Variants in FASN observed in about 807,000 individuals in gnomAD.
FASN encodes fatty acid synthase.
FASN carries 50 observed loss-of-function variants against 250.0 expected under a neutral mutation model. The observed-to-expected ratio is 0.20, with a 90% CI of 0.16 to 0.25. The LOEUF (loss-of-function observed/expected upper bound fraction) is 0.25. Among genes scored for constraint, FASN ranks in the 10% least tolerant of loss-of-function variants. FASN has a pLI of 1.00. For missense variants in FASN, 3,031 were observed against 3,498.5 expected (o/e 0.87, Z 3.37); for synonymous variants, 1,909 against 1,584.0 (o/e 1.21, Z -4.87).
In FASN at chr17:82,083,093, G is replaced by A. The variant is rs1172502980; in HGVS notation, c.5588C>T (p.Ala1863Val). 2 of 1,610,802 alleles carry A rather than the reference G, an allele frequency of 1.2e-6. No individual in the cohort carries two copies. Among genetic ancestry groups the A allele is most frequent in the Non-Finnish European group, 1.7e-6 (2 of 1,179,970 alleles). Reference protein sequence around the residue: ...VVQVLAEEPEAVLKGAKPKLM... With the variant: ...VVQVLAEEPEVVLKGAKPKLM... ...CTTGGGTTTGGCCCCCTTCAGCACT[G>A]CCTCCGGCTCCTCCGCAAGCACCTG... Residue 1863 changes from alanine to valine, a missense_variant, in exon 33 of 43, where the codon GCA (alanine) becomes GTA (valine). Physicochemically the swap from Ala to Val is moderately conservative, Grantham distance 64 (BLOSUM62 0). Transcript: ENST00000306749.
rs1289578764 is a variant in FASN, at chr17:82,085,811, G to A, written c.3793C>T (p.Leu1265=). The part of the protein sequence containing the change: ...RIPGLLSPHP[L]LQLSYTATDR... ...GTGGCCGTGTAGCTCAGCTGCAGCA[G>A]GGGATGGGGGCTGAGCAGGCCTGGG... Residue 1265 remains leucine (L), a synonymous_variant, in exon 23 of 43, where the codon CTG becomes TTG. Coordinates refer to ENST00000306749, the MANE Select transcript of FASN (RefSeq NM_004104.5). 3 of 1,561,804 alleles carry A rather than the reference G, an allele frequency of 1.9e-6. No homozygotes were observed. Among genetic ancestry groups the A allele is most frequent in the Admixed American group, 3.7e-5 (2 of 54,504 alleles).
chr17:82,095,211 G>C (rs1306030892), intron 3 of FASN, 109 bp downstream of exon 3: 2 of 1,330,724 alleles, frequency 1.5e-6, no homozygotes. Flanking sequence ...GCCGGGGAGG[G>C]TAGGTGGTGC....
Position 82,085,551 on chromosome 17 carries a change from G to T in FASN, c.4053C>A (p.His1351Gln), listed in dbSNP as rs1891880892. The change falls in exon 23 of 43, where the codon CAC (histidine) becomes CAA (glutamine). Residue 1351 changes from histidine (H) to glutamine (Q), a missense_variant. Coordinates refer to ENST00000306749, the MANE Select transcript of FASN (RefSeq NM_004104.5). The part of the protein sequence containing the change: ...FLLLHTLLRG[H>Q]PLGDIVAFLT... ...GGAAGGCCACGATGTCCCCGAGGGG[G>T]TGCCCCCGGAGCAGTGTGTGCAGGA... 8 of 1,595,326 alleles carry T rather than the reference G, an allele frequency of 5.0e-6. No individual in the cohort carries two copies. Among genetic ancestry groups the T allele is most frequent in the Non-Finnish European group, 6.8e-6 (8 of 1,171,714 alleles).
intron 8 of FASN, 47 bp downstream of exon 8, chr17:82,092,408 C>A: frequency 6.5e-7 from 1 of 1,544,612 alleles, no homozygotes; most frequent in South Asian, 1.2e-5. Context: ...GCAACCCAGT[C>A]CCAGGGAGCA....
At position 82,091,505 on chromosome 17, in the gene FASN, G is replaced by T; in HGVS notation, c.1209C>A (p.Ile403=). ...GGGGCGGCTGCGTGTTGGGCCTCAGGATGATGTGCACGTTGGAGCCCCCGA... is the reference window on the plus strand; with the variant it reads ...GGGGCGGCTGCGTGTTGGGCCTCAGTATGATGTGCACGTTGGAGCCCCCGA... The part of the protein sequence containing the change: ...FGFGGSNVHI[I]LRPNTQPPPA... The change falls in exon 9 of 43, where the codon ATC becomes ATA. Residue 403 remains isoleucine (I), a synonymous_variant. Transcript: ENST00000306749. The T allele has an allele frequency of 1.2e-6, 2 of 1,605,142 alleles. No individual in the cohort carries two copies. The highest frequency in any genetic ancestry group is 2.2e-5 in the South Asian group (2 of 90,134).
rs1370293595 is a variant in FASN, at chr17:82,078,959, C to A, written c.*184G>T. 9.7e-6 allele frequency: 7 copies of A among 719,484 alleles called. No individual in the cohort carries two copies. The highest frequency in any genetic ancestry group is 7.0e-5 in the Admixed American group (3 of 42,822). The allele number at this position is 719,484 out of a possible 1,614,324, so 44.6% of individuals were successfully genotyped here. ...CGGCAGCTCTGGTGTCCCCGAGGTG[C>A]CGTGGGAGGCGGCGGGTGGGTGGGA... On this transcript the variant is annotated 3_prime_UTR_variant, in exon 43 of 43. Coordinates refer to ENST00000306749, the MANE Select transcript of FASN (RefSeq NM_004104.5). This position sits in a 1 kb window ranked among gnomAD's most constrained non-coding sequence, Gnocchi z 5.4.
rs373471307 is a variant in FASN, at chr17:82,088,207, C to T, written c.2694G>A (p.Thr898=). 3.4e-5 allele frequency: 55 copies of T among 1,611,884 alleles called. No individual in the cohort carries two copies. The highest frequency in any genetic ancestry group is 3.3e-4 in the Middle Eastern group (2 of 6,062). ...CGCCCAGGCCCAGGGCGCGGGCCAG[C>T]GTCTTCCACACTATGCTCAGGTAGC... The part of the protein sequence containing the change: ...ATGYLSIVWK[T]LARALGLGVE... Residue 898 remains threonine (T), a synonymous_variant, in exon 17 of 43, where the codon ACG becomes ACA. Transcript: ENST00000306749.
rs1290860156 is a variant in FASN, at chr17:82,088,124, G to A, written c.2777C>T (p.Pro926Leu). Residue 926 changes from proline to leucine, a missense_variant, in exon 17 of 43, where the codon CCC (proline) becomes CTC (leucine). Pro to Leu is a moderately conservative substitution (Grantham distance 98, BLOSUM62 -3). Transcript: ENST00000306749. ...CCTGGGGTACCCCTCACCAGTCTTG[G>A]GCAGGATGGTGGCCTGGTGCAGCAC... ...DVVLHQATIL[P>L]KTGTVSLEVR... 1 of 1,612,802 alleles carries A rather than the reference G, an allele frequency of 6.2e-7. No individual in the cohort carries two copies. The highest frequency in any genetic ancestry group is 1.7e-5 in the Admixed American group (1 of 60,030).
chr17:82,096,630 C>T (rs2034308985), intron 1 of FASN, among the ~76,000 whole-genome samples, 178 bp from the exon 2 acceptor site: 1 of 152,230 alleles, frequency 6.6e-6, no homozygotes, highest in Non-Finnish European at 1.5e-5. Context: ...CCTGACCCCG[C>T]TCTCGCTGGG....
rs201559192 is a variant in FASN at position 82,093,608 on chromosome 17, G to A, written c.444C>T (p.Phe148=). The change falls in exon 4 of 43, where the codon TTC becomes TTT. Residue 148 remains phenylalanine (F), a synonymous_variant. Transcript: ENST00000306749. ...AMMANRLSFF[F]DFRGPSIALD... is the part of the protein sequence containing the mutation. ...CTGGGCAGGACCCACCTCTGAAGTC[G>A]AAGAAGAAGGAGAGCCGGTTGGCCA... The A allele has an allele frequency of 2.2e-5, 35 of 1,612,774 alleles. 1 individual carries two copies. The highest frequency in any genetic ancestry group is 2.7e-5 in the African/African-American group (2 of 75,048).
In FASN at chr17:82,079,910, G is replaced by T. The variant is rs566355283; in HGVS notation, c.7146+230C>A. Reference sequence around the variant, plus strand: ...TTTAGTAGAGAAGGGGTTTCTCCACGTTGGTCAGGCTGGTCTCGAACTCCC... The same window carrying T: ...TTTAGTAGAGAAGGGGTTTCTCCACTTTGGTCAGGCTGGTCTCGAACTCCC... On this transcript the variant is annotated intron_variant, in intron 41 of 42. Transcript: ENST00000306749. 15 of 632,020 alleles carry T rather than the reference G, an allele frequency of 2.4e-5. No homozygotes were observed. The African/African-American group carries it at 2.7e-4, about 12-fold the overall frequency. The allele number at this position is 632,020 out of a possible 1,614,324, so 39.2% of individuals were successfully genotyped here.
chr17:82,096,287 C>G (rs759997230), intron 2 of FASN, 32 bp downstream of exon 2: 2 of 1,609,836 alleles, frequency 1.2e-6, no homozygotes, highest in Non-Finnish European at 1.7e-6. Flanking sequence ...GAGCTTCACA[C>G]CCCAGGCACG....
Position 82,082,166 on chromosome 17 carries a change from G to T in FASN, c.6012-6C>A, listed in dbSNP as rs765875874. 2 of 1,601,950 alleles carry T rather than the reference G, an allele frequency of 1.2e-6. No homozygotes were observed. The highest frequency in any genetic ancestry group is 1.7e-5 in the Admixed American group (1 of 60,006). ...GGCACGCCTCTCGGGTCACCCTGTG[G>T]GCACGCGTGTCACTCCCCATTGGCC... On this transcript the variant is annotated splice_region_variant and splice_polypyrimidine_tract_variant and intron_variant, in intron 35 of 42. Transcript: ENST00000306749.
chr17:82,081,480 C>T (rs890224184), intron 37 of FASN, 121 bp downstream of exon 37: 15 of 1,580,980 alleles, frequency 9.5e-6, no homozygotes, highest in East Asian at 2.2e-5. Context: ...GTGACACCTG[C>T]GCCCGCACCC....
intron 3 of FASN, among the ~76,000 whole-genome samples, chr17:82,094,661 C>T (rs957810681): frequency 1.7e-4 from 26 of 151,474 alleles, no homozygotes; most frequent in African/African-American, 5.8e-4. Flanking sequence ...TGGTGGTGGG[C>T]GCCTGTAGTC....
rs200707478 is a variant in FASN, at chr17:82,085,277, C to T, written c.4248G>A (p.Pro1416=). 89 of 1,611,492 alleles carry T rather than the reference C, an allele frequency of 5.5e-5. No individual in the cohort carries two copies. The highest frequency in any genetic ancestry group is 4.3e-4 in the Admixed American group (26 of 59,910). Residue 1416 remains proline (P), a synonymous_variant, in exon 24 of 43, where the codon CCG becomes CCA. Coordinates refer to ENST00000306749, the MANE Select transcript of FASN (RefSeq NM_004104.5). ...CCCAGCGGAAGCTGGTATCGTCCAC[C>T]GGCAGGAAGATGGGGCTGTCCTGCG... ...PTPQDSPIFL[P]VDDTSFRWVE... is the part of the protein sequence containing the mutation.
At position 82,079,126 on chromosome 17, in the gene FASN, C is replaced by G; in HGVS notation, c.*17G>C. 1 of 1,606,946 alleles carries G rather than the reference C, an allele frequency of 6.2e-7. No homozygotes were observed. The highest frequency in any genetic ancestry group is 8.5e-7 in the Non-Finnish European group (1 of 1,179,432). ...GGGATGGTGGAGTGACCTCCGGTGG[C>G]AGGCGGGGGCACGGGCCTAGCCCTC... On this transcript the variant is annotated 3_prime_UTR_variant, in exon 43 of 43. Coordinates refer to ENST00000306749, the MANE Select transcript of FASN (RefSeq NM_004104.5).
Position 82,083,384 on chromosome 17 carries a change from G to A in FASN, c.5383C>T (p.Leu1795=). The change falls in exon 32 of 43, where the codon CTA becomes TTA. Residue 1795 remains leucine, a synonymous_variant. Transcript: ENST00000306749. ...FLKNVTFHGV[L]LDAFFNESSA... ...CTCTCGTTGAAGAACGCATCCAGTA[G>A]GACCCCGTGGAATGTCACGTTCTTC... 2 of 1,612,816 alleles carry A rather than the reference G, an allele frequency of 1.2e-6. No individual in the cohort carries two copies. The highest frequency in any genetic ancestry group is 1.3e-5 in the African/African-American group (1 of 75,066).
chr17:82,079,688 T>G (rs1323236964), intron 41 of FASN, 80 bp from the exon 42 acceptor site: 1 of 1,509,052 alleles, frequency 6.6e-7, no homozygotes, highest in Non-Finnish European at 8.8e-7. Context: ...GGTGGGCTTT[T>G]TTTTTTTGAG....
Sources: gnomAD v4.1 joint callset for allele counts (sites outside exome capture counted in the v4.1 genomes callset) on GRCh38, gnomAD v4.1.1 for gene constraint, Gnocchi (gnomAD v3.1) non-coding constraint, MANE v1.5 for transcripts, NCBI Gene and HGNC (gene_info 2026-07-23, HGNC 2026-07-21) for gene names.